RBFOX1: variants seen among roughly 807,000 people sequenced by gnomAD.
RBFOX1 encodes the protein RNA binding protein fox-1 homolog 1.
A neutral mutation model predicts 57.7 loss-of-function variants in RBFOX1; 8 were observed. The ratio of observed to expected loss-of-function variants is 0.14; its 90% CI spans 0.08 to 0.25. The LOEUF (loss-of-function observed/expected upper bound fraction) is 0.25, where lower values mean the gene tolerates loss of function less well. Ranked by LOEUF, RBFOX1 falls within the 10% of genes least tolerant of loss-of-function variation. The pLI is 1.00. For missense variants in RBFOX1, 611 were observed against 548.5 expected (o/e 1.11, Z -1.14); for synonymous variants, 326 against 222.4 (o/e 1.47, Z -4.15).
intron 3 of RBFOX1, among the ~76,000 whole-genome samples, chr16:6,846,007 C>G (rs1209930526): frequency 6.6e-6 from 1 of 152,228 alleles, no homozygotes; most frequent in East Asian, 1.9e-4. Context: ...GTAAAATGAA[C>G]CTGTGCATCT....
At chr16:5,883,508 A>T (rs1258757975) in intron 4 of RBFOX1, among the ~76,000 whole-genome samples, 2 of 114,786 alleles carry the variant, frequency 1.7e-5, no homozygotes, top group Non-Finnish European at 3.5e-5. Context: ...CTGCAATCCC[A>T]GATACGGGTG....
chr16:6,730,604 T>C (rs183620138), intron 3 of RBFOX1, among the ~76,000 whole-genome samples: 1 of 152,180 alleles, frequency 6.6e-6, no homozygotes, highest in African/African-American at 2.4e-5. Flanking sequence ...GATTCAGAGA[T>C]GATAGTGATA....
intron 3 of RBFOX1, among the ~76,000 whole-genome samples, chr16:6,677,515 A>G (rs2057939290): frequency 6.6e-6 from 1 of 152,244 alleles, no homozygotes; most frequent in Non-Finnish European, 1.5e-5. Context: ...TAAGAATTCC[A>G]TATCAAAAAC....
chr16:5,960,788 C>T (rs1000136331), intron 4 of RBFOX1, among the ~76,000 whole-genome samples: 1 of 152,194 alleles, frequency 6.6e-6, no homozygotes, highest in Non-Finnish European at 1.5e-5. Context: ...TTGATTTAAT[C>T]AGCCCCTTTT....
intron 1 of RBFOX1, among the ~76,000 whole-genome samples, chr16:5,260,330 C>T (rs1000003427): frequency 6.6e-6 from 1 of 151,986 alleles, no homozygotes; most frequent in African/African-American, 2.4e-5. Flanking sequence ...AGAAATAAAC[C>T]TCCTAATATT....
intron 1 of RBFOX1, among the ~76,000 whole-genome samples, chr16:6,258,504 A>G (rs1482760523): frequency 6.6e-6 from 1 of 152,120 alleles, no homozygotes; most frequent in East Asian, 1.9e-4. Context: ...TTCCATCACA[A>G]TTCTGTTTAT....
intron 1 of RBFOX1, among the ~76,000 whole-genome samples, chr16:5,269,709 T>G (rs1366833031): frequency 6.6e-6 from 1 of 152,118 alleles, no homozygotes; most frequent in Non-Finnish European, 1.5e-5. Context: ...AGCTAAAGGG[T>G]ATGAGGTTTC....
chr16:7,578,633 T>G (rs1285129317), intron 5 of RBFOX1, among the ~76,000 whole-genome samples: 4 of 152,112 alleles, frequency 2.6e-5, no homozygotes, highest in African/African-American at 9.7e-5. Flanking sequence ...AATTATGTAC[T>G]TCTAGATTGC....
At chr16:7,710,236 TCAA>T in intron 15 of RBFOX1, 1 of 1,060,214 alleles carries the variant, frequency 9.4e-7, no homozygotes, top group Non-Finnish European at 1.1e-6. Context: ...CAACTCTGCT[TCAA>T]CACCTAGTCC....
Position 7,599,638 on chromosome 16 carries a change from C to CT in RBFOX1, c.622+2219dup, listed in dbSNP as rs542898195. ...GAGAAGATGAAGAAATTAATAAAGA[C>CT]TTTTTTTTTTTTCTTTTTTTTTTTT... On this transcript the variant is annotated intron_variant, in intron 9 of 15. Coordinates refer to ENST00000550418, the MANE Select transcript of RBFOX1 (RefSeq NM_018723.4). Among the ~76,000 whole-genome samples the CT allele has an allele frequency of 8.2e-3, 512 of 62,722 alleles. 64 individuals carry two copies. The highest frequency in any genetic ancestry group is 0.024 in the African/African-American group (481 of 20,266). 41.1% of individuals were successfully genotyped at this position (62,722 alleles called of 152,430 possible).
chr16:6,916,773 T>C (rs2073271990), intron 3 of RBFOX1, among the ~76,000 whole-genome samples: 1 of 152,176 alleles, frequency 6.6e-6, no homozygotes, highest in South Asian at 2.1e-4. Context: ...ACTTAAACTT[T>C]TCCCATCTTT....
At chr16:7,308,997 A>G (rs1044879064) in intron 4 of RBFOX1, among the ~76,000 whole-genome samples, 4 of 151,996 alleles carry the variant, frequency 2.6e-5, no homozygotes, top group Non-Finnish European at 1.5e-5. Flanking sequence ...AGTGCTATGG[A>G]TTGGGGGTGG....
chr16:7,281,460 T>C lies in RBFOX1; in HGVS notation c.27+229362T>C, dbSNP rs76290291. 8.9e-4 allele frequency among the ~76,000 whole-genome samples: 135 copies of C among 152,192 alleles called. 2 individuals carry two copies. The East Asian group carries it at 0.025, about 28-fold the overall frequency. Reference sequence around the variant, plus strand: ...AGTCCTCTCTTCTATAAAACACAGATAGTTCTAACACTGTATATCTCTCCC... The same window carrying C: ...AGTCCTCTCTTCTATAAAACACAGACAGTTCTAACACTGTATATCTCTCCC... On this transcript the variant is annotated intron_variant, in intron 4 of 15. Coordinates refer to ENST00000550418, the MANE Select transcript of RBFOX1 (RefSeq NM_018723.4).
At chr16:6,188,827 C>G (rs1174453016) in intron 1 of RBFOX1, among the ~76,000 whole-genome samples, 2 of 152,162 alleles carry the variant, frequency 1.3e-5, no homozygotes, top group Admixed American at 1.3e-4. Context: ...ACATACAGTT[C>G]ATTTTTAGCC....
intron 2 of RBFOX1, among the ~76,000 whole-genome samples, chr16:6,544,797 G>C (rs1017049191): frequency 6.6e-6 from 1 of 152,182 alleles, no homozygotes; most frequent in African/African-American, 2.4e-5. Context: ...ATGATGCTGA[G>C]CACGTAGATT....
intron 1 of RBFOX1, among the ~76,000 whole-genome samples, chr16:6,105,653 C>G (rs561761162): frequency 1.5e-4 from 23 of 149,878 alleles, no homozygotes; most frequent in Middle Eastern, 3.5e-3. Context: ...ATACTATGTA[C>G]TAATTGAGAA....
At chr16:6,578,901 G>A (rs185870324) in intron 2 of RBFOX1, among the ~76,000 whole-genome samples, 1 of 151,980 alleles carries the variant, frequency 6.6e-6, no homozygotes, top group African/African-American at 2.4e-5. Context: ...GGGTGGGAGT[G>A]GGGTGAGGGT....
intron 2 of RBFOX1, among the ~76,000 whole-genome samples, chr16:6,580,610 A>G (rs930764880): frequency 1.3e-5 from 2 of 152,166 alleles, no homozygotes; most frequent in African/African-American, 4.8e-5. Flanking sequence ...CATAATAGTG[A>G]TTGTATTGAG....
chr16:6,223,961 C>G (rs969051066), intron 1 of RBFOX1, among the ~76,000 whole-genome samples: 3 of 152,250 alleles, frequency 2.0e-5, no homozygotes, highest in East Asian at 3.9e-4. Context: ...AATAGGGACT[C>G]CTTTCCCCAT....
Sources: allele counts gnomAD v4.1 joint callset (sites outside exome capture counted in the v4.1 genomes callset), GRCh38; gene constraint gnomAD v4.1.1; transcripts MANE v1.5; gene names NCBI Gene and HGNC (gene_info 2026-07-23, HGNC 2026-07-21).